The following CDH12 variants were observed in gnomAD, a reference collection of about 807,000 sequenced individuals.
CDH12 encodes the protein cadherin-12.
CDH12 carries 41 observed loss-of-function variants against 74.1 expected under a neutral mutation model. The ratio of observed to expected loss-of-function variants is 0.55; its 90% confidence interval spans 0.43 to 0.72. The LOEUF (loss-of-function observed/expected upper bound fraction) is 0.72. Among genes scored for constraint, CDH12 ranks in the 30% least tolerant of loss-of-function variants. The pLI is 0.00. For synonymous variants in CDH12, 399 were observed against 355.0 expected (o/e 1.12, Z -1.39); for missense variants, 945 against 977.2 (o/e 0.97, Z 0.44).
chr5:22,798,466 A>G (rs1405673791), intron 1 of CDH12, among the ~76,000 whole-genome samples: 1 of 152,118 alleles, frequency 6.6e-6, no homozygotes, highest in African/African-American at 2.4e-5. Context: ...CATTATTGTT[A>G]TCCTAAAATT....
chr5:22,675,015 G>T (rs138305400), intron 1 of CDH12, among the ~76,000 whole-genome samples: 3,128 of 152,308 alleles, frequency 0.021, 116 homozygotes, highest in African/African-American at 0.072. Context: ...ATTTTCTGAG[G>T]AGAAATTCAA....
intron 1 of CDH12, among the ~76,000 whole-genome samples, chr5:22,740,501 G>A (rs778992165): frequency 6.6e-6 from 1 of 151,702 alleles, no homozygotes; most frequent in Non-Finnish European, 1.5e-5. Flanking sequence ...TATATCTACG[G>A]TAATGATTGT....
At chr5:22,047,994 C>A (rs182261882) in intron 5 of CDH12, among the ~76,000 whole-genome samples, 2 of 152,266 alleles carry the variant, frequency 1.3e-5, no homozygotes, top group Admixed American at 1.3e-4. Context: ...ATATTGTTTT[C>A]TCCGTATGAA....
In CDH12 at chr5:21,791,921, T is replaced by A. The variant is rs149957397; in HGVS notation, c.1257-8427A>T. 2.0e-5 allele frequency among the ~76,000 whole-genome samples: 3 copies of A among 152,064 alleles called. No homozygotes were observed. In the East Asian group the frequency reaches 5.8e-4, roughly 29 times the overall value. On this transcript the variant is annotated intron_variant, in intron 10 of 14. Transcript: ENST00000382254. ...AACGCTAACTTTGACCCTGCCCCAG[T>A]TCTCAACTACATGTGTAAAAGGAAC...
chr5:22,258,683 C>T (rs1421942806), intron 3 of CDH12, among the ~76,000 whole-genome samples: 3 of 152,018 alleles, frequency 2.0e-5, no homozygotes, highest in Non-Finnish European at 4.4e-5. Flanking sequence ...ACCTTTTATA[C>T]CATATATTTA....
chr5:22,642,982 A>G (rs2126872964), intron 1 of CDH12, among the ~76,000 whole-genome samples: 1 of 152,302 alleles, frequency 6.6e-6, no homozygotes, highest in South Asian at 2.1e-4. Flanking sequence ...AGGATGCTCC[A>G]TAATTCCCAG....
At chr5:22,656,144 T>G (rs1397216448) in intron 1 of CDH12, among the ~76,000 whole-genome samples, 1 of 152,188 alleles carries the variant, frequency 6.6e-6, no homozygotes, top group Non-Finnish European at 1.5e-5. Context: ...CTTTTAGATT[T>G]TATGGATTTT....
intron 5 of CDH12, among the ~76,000 whole-genome samples, chr5:22,056,568 C>T (rs759179044): frequency 6.6e-6 from 1 of 152,084 alleles, no homozygotes; most frequent in Non-Finnish European, 1.5e-5. Flanking sequence ...ATAGATTCTT[C>T]CTATATGATT....
intron 4 of CDH12, among the ~76,000 whole-genome samples, chr5:22,123,097 T>C (rs562619123): frequency 3.9e-4 from 60 of 152,302 alleles, no homozygotes; most frequent in African/African-American, 1.3e-3. Flanking sequence ...CCAGAATTGA[T>C]ACATTGATAT....
At chr5:22,412,073 C>A (rs1227505208) in intron 2 of CDH12, among the ~76,000 whole-genome samples, 1 of 151,938 alleles carries the variant, frequency 6.6e-6, no homozygotes, top group Non-Finnish European at 1.5e-5. Context: ...GGTAGACAGA[C>A]AGAAATTTCA....
At chr5:22,053,757 G>A (rs928194331) in intron 5 of CDH12, among the ~76,000 whole-genome samples, 2 of 152,022 alleles carry the variant, frequency 1.3e-5, no homozygotes, top group African/African-American at 2.4e-5. Context: ...TATGACTAAC[G>A]TTAGAGCTCG....
Position 22,022,267 on chromosome 5 carries a change from G to A in CDH12, c.232-46882C>T, listed in dbSNP as rs115925733. ...ACCTGGTGGGAGGTGATTTGATCAT[G>A]GGGGTGGGTTTTCCCCATGTACTTT... On this transcript the variant is annotated intron_variant, in intron 5 of 14. Coordinates refer to ENST00000382254, the MANE Select transcript of CDH12 (RefSeq NM_004061.5). Among the ~76,000 whole-genome samples, 633 of 152,222 alleles carry A rather than the reference G, an allele frequency of 4.2e-3. 8 individuals are homozygous for A. The highest frequency in any genetic ancestry group is 0.014 in the Middle Eastern group (4 of 294).
chr5:22,003,760 A>G (rs1011282801), intron 5 of CDH12, among the ~76,000 whole-genome samples: 1 of 150,892 alleles, frequency 6.6e-6, no homozygotes, highest in African/African-American at 2.4e-5. Context: ...TTCATAGTCA[A>G]TAAATAAATG....
At chr5:22,209,499 A>G (rs1751408809) in intron 4 of CDH12, among the ~76,000 whole-genome samples, 1 of 152,106 alleles carries the variant, frequency 6.6e-6, no homozygotes, top group African/African-American at 2.4e-5. Flanking sequence ...TTAACACTGA[A>G]TTTATACCTC....
At chr5:21,819,053 C>G (rs1363685576) in intron 8 of CDH12, among the ~76,000 whole-genome samples, 1 of 151,876 alleles carries the variant, frequency 6.6e-6, no homozygotes, top group Non-Finnish European at 1.5e-5. Flanking sequence ...TTGAGGCAAT[C>G]AAATCAAAGA....
At chr5:21,877,852 A>G (rs1024152466) in intron 6 of CDH12, among the ~76,000 whole-genome samples, 1 of 152,222 alleles carries the variant, frequency 6.6e-6, no homozygotes, top group Non-Finnish European at 1.5e-5. Flanking sequence ...ATGAGCTTTC[A>G]TAAAACAAAG....
chr5:22,491,622 C>CAAAAAAAA (rs33936783), intron 2 of CDH12, among the ~76,000 whole-genome samples: 4 of 135,634 alleles, frequency 2.9e-5, no homozygotes, highest in Admixed American at 1.5e-4. Flanking sequence ...AAAAAAAAAA[C>CAAAAAAAA]AAAAAAAAAA....
At chr5:22,373,878 T>C (rs567689298) in intron 3 of CDH12, among the ~76,000 whole-genome samples, 8 of 152,190 alleles carry the variant, frequency 5.3e-5, no homozygotes, top group Admixed American at 3.3e-4. Flanking sequence ...ACAGGAAACA[T>C]GAAAAAATCA....
chr5:22,583,396 T>A (rs1487273638), intron 1 of CDH12, among the ~76,000 whole-genome samples: 1 of 152,190 alleles, frequency 6.6e-6, no homozygotes, highest in Non-Finnish European at 1.5e-5. Context: ...TATTTATATT[T>A]TAAAATTCAC....
Sources: allele counts gnomAD v4.1 joint callset (sites outside exome capture counted in the v4.1 genomes callset), GRCh38; gene constraint gnomAD v4.1.1; transcripts MANE v1.5; gene names NCBI Gene and HGNC (gene_info 2026-07-23, HGNC 2026-07-21).